Variants in CRISPLD1 observed in about 807,000 individuals in gnomAD.
The protein encoded by CRISPLD1 is cysteine rich secretory protein LCCL domain containing 1, also known as cysteine-rich secretory protein LCCL domain-containing 1.
A neutral mutation model predicts 77.5 loss-of-function variants in CRISPLD1; 60 were observed. The ratio of observed to expected loss-of-function variants is 0.77; its 90% CI spans 0.63 to 0.96. CRISPLD1 has a LOEUF of 0.96. Among genes scored for constraint, CRISPLD1 ranks in the 40% least tolerant of loss-of-function variants. The pLI is 0.00. For missense variants in CRISPLD1, 623 were observed against 615.8 expected, an observed-to-expected ratio of 1.01 and a Z score of -0.12; for synonymous variants, 195 against 200.1, an observed-to-expected ratio of 0.97 and a Z score of 0.22.
intron 2 of CRISPLD1, among the ~76,000 whole-genome samples, chr8:74,990,738 A>G (rs1328623843): frequency 6.6e-6 from 1 of 151,588 alleles, no homozygotes; most frequent in African/African-American, 2.4e-5. Flanking sequence ...GATTAATATC[A>G]CTAACATCTT....
At chr8:74,992,444 T>C (rs1293259278) in intron 2 of CRISPLD1, among the ~76,000 whole-genome samples, 5 of 152,234 alleles carry the variant, frequency 3.3e-5, no homozygotes, top group Non-Finnish European at 5.9e-5. Context: ...TTGTTACATA[T>C]TTTTAACATA....
chr8:75,023,797 T>A (rs577528305), intron 12 of CRISPLD1, among the ~76,000 whole-genome samples: 52 of 152,202 alleles, frequency 3.4e-4, no homozygotes, highest in African/African-American at 1.1e-3. Context: ...AGTGCGTGTG[T>A]GTGTGTGTGT....
At chr8:74,993,276 C>T (rs1305276388) in intron 2 of CRISPLD1, among the ~76,000 whole-genome samples, 3 of 152,100 alleles carry the variant, frequency 2.0e-5, no homozygotes, top group Non-Finnish European at 4.4e-5. Flanking sequence ...AGAGTTTTCT[C>T]TCTGTATACT....
chr8:75,006,819 G>A lies in CRISPLD1; in HGVS notation c.259-5614G>A, dbSNP rs562159451. 2.0e-5 allele frequency among the ~76,000 whole-genome samples: 3 copies of A among 151,754 alleles called. No individual in the cohort carries two copies. In the East Asian group the frequency reaches 5.8e-4, roughly 29 times the overall value. On this transcript the variant is annotated intron_variant, in intron 2 of 14. Coordinates refer to ENST00000262207, the MANE Select transcript of CRISPLD1 (RefSeq NM_031461.6). ...CAAACAACTTTGTGGATAAATGAAG[G>A]CCCATCACCTCCACCCCACTAATCT...
At chr8:74,995,210 A>C (rs1242586443) in intron 2 of CRISPLD1, among the ~76,000 whole-genome samples, 1 of 152,236 alleles carries the variant, frequency 6.6e-6, no homozygotes, top group African/African-American at 2.4e-5. Flanking sequence ...ATTGAGAATT[A>C]GGAAGAAAAC....
intron 2 of CRISPLD1, among the ~76,000 whole-genome samples, chr8:75,011,382 T>C (rs1199350097): frequency 6.6e-6 from 1 of 150,654 alleles, no homozygotes. Flanking sequence ...CATTTCACTG[T>C]CTACTCTTTT....
intron 6 of CRISPLD1, 126 bp downstream of exon 6, chr8:75,015,038 C>G: frequency 2.1e-6 from 1 of 470,330 alleles, no homozygotes; most frequent in African/African-American, 2.0e-5. Context: ...AACTCTATTT[C>G]AAATATTTTG....
At chr8:75,000,919 G>T (rs1812728961) in intron 2 of CRISPLD1, among the ~76,000 whole-genome samples, 1 of 152,024 alleles carries the variant, frequency 6.6e-6, no homozygotes, top group South Asian at 2.1e-4. Context: ...GAATAAAAAG[G>T]ATTGAATTCT....
At position 75,014,013 on chromosome 8, in the gene CRISPLD1, C is replaced by CGGTT; in HGVS notation, c.539_542dup (p.Cys181TrpfsTer5). ...TCGTGTGGGCAACTAGTAACAGAAT[C>CGGTT]GGTTGTGCCATTAATTTGTGTCATA... On this transcript the variant is annotated frameshift_variant, in exon 5 of 15. Transcript: ENST00000262207. LOFTEE classifies it high-confidence loss of function. 6.2e-7 allele frequency: 1 copy of CGGTT among 1,612,852 alleles called. No homozygotes were observed.
intron 12 of CRISPLD1, among the ~76,000 whole-genome samples, chr8:75,022,173 A>C (rs1442168237): frequency 1.3e-5 from 2 of 152,198 alleles, no homozygotes; most frequent in South Asian, 2.1e-4. Flanking sequence ...TTACCAACAT[A>C]ATAAATCCAT....
Position 75,014,006 on chromosome 8 carries a change from A to C in CRISPLD1, c.530A>C (p.Asn177Thr). 2 of 1,612,888 alleles carry C rather than the reference A, an allele frequency of 1.2e-6. No individual in the cohort carries two copies. Among genetic ancestry groups the C allele is most frequent in the Non-Finnish European group, 1.7e-6 (2 of 1,179,178 alleles). ...ACATAGGTCGTGTGGGCAACTAGTA[A>C]CAGAATCGGTTGTGCCATTAATTTG... ...HYTQVVWATS[N>T]RIGCAINLCH... Residue 177 changes from asparagine to threonine, a missense_variant, in exon 5 of 15, where the codon AAC becomes ACC. Coordinates refer to ENST00000262207, the MANE Select transcript of CRISPLD1 (RefSeq NM_031461.6).
intron 2 of CRISPLD1, among the ~76,000 whole-genome samples, chr8:74,987,372 G>A (rs1294681362): frequency 3.9e-5 from 6 of 152,088 alleles, no homozygotes; most frequent in Non-Finnish European, 7.4e-5. Context: ...GTGACATTGG[G>A]CGCTTGCTAA....
intron 2 of CRISPLD1, among the ~76,000 whole-genome samples, chr8:74,996,696 C>T (rs1587006676): frequency 6.9e-6 from 1 of 144,984 alleles, no homozygotes; most frequent in Admixed American, 6.9e-5. Flanking sequence ...GACATACCAG[C>T]ATGAGCCAGA....
At chr8:74,993,696 A>C (rs1159439124) in intron 2 of CRISPLD1, among the ~76,000 whole-genome samples, 1 of 152,240 alleles carries the variant, frequency 6.6e-6, no homozygotes, top group African/African-American at 2.4e-5. Context: ...GGGTTTAGAA[A>C]GACAAGAGAA....
At chr8:75,011,725 G>T (rs916924002) in intron 2 of CRISPLD1, among the ~76,000 whole-genome samples, 1 of 151,744 alleles carries the variant, frequency 6.6e-6, no homozygotes, top group Non-Finnish European at 1.5e-5. Context: ...ATGAGAATCA[G>T]ATTTGTTAAT....
At chr8:75,003,755 G>A in intron 2 of CRISPLD1, among the ~76,000 whole-genome samples, 1 of 152,076 alleles carries the variant, frequency 6.6e-6, no homozygotes, top group Admixed American at 6.6e-5. Flanking sequence ...AGTTAGGTAA[G>A]GTATGGCCAA....
chr8:75,000,127 C>A, intron 2 of CRISPLD1: 1 of 984,544 alleles, frequency 1.0e-6, no homozygotes, highest in Non-Finnish European at 1.2e-6. Flanking sequence ...TATGTCATAG[C>A]AACTCAAACA....
At chr8:75,006,281 T>G (rs1436968350) in intron 2 of CRISPLD1, among the ~76,000 whole-genome samples, 1 of 152,186 alleles carries the variant, frequency 6.6e-6, no homozygotes, top group East Asian at 1.9e-4. Flanking sequence ...GGTATAATAA[T>G]CCAATTAGGA....
chr8:75,004,199 C>T (rs1338486278), intron 2 of CRISPLD1, among the ~76,000 whole-genome samples: 1 of 152,154 alleles, frequency 6.6e-6, no homozygotes, highest in Non-Finnish European at 1.5e-5. Flanking sequence ...GGCAAAGTCA[C>T]TGTGCCCTGT....
Sources: allele counts gnomAD v4.1 joint callset (sites outside exome capture counted in the v4.1 genomes callset), GRCh38; gene constraint gnomAD v4.1.1; transcripts MANE v1.5; gene names NCBI Gene and HGNC (gene_info 2026-07-23, HGNC 2026-07-21).